ASTN1: variants seen among roughly 807,000 people sequenced by gnomAD.
The protein encoded by ASTN1 is astrotactin-1.
A neutral mutation model predicts 140.7 loss-of-function variants in ASTN1; 41 were observed. That is an observed-to-expected ratio of 0.29 (90% CI 0.23 to 0.38). The LOEUF is 0.38. ASTN1 is among the 10% of genes least tolerant of loss of function. The pLI is 1.00. For synonymous variants in ASTN1, 640 were observed against 652.2 expected, an observed-to-expected ratio of 0.98 and a Z score of 0.29; for missense variants, 1,479 against 1,678.8, an observed-to-expected ratio of 0.88 and a Z score of 2.08.
Position 177,160,683 on chromosome 1 carries a change from A to T in ASTN1, c.283+3711T>A, listed in dbSNP as rs540755739. On this transcript the variant is annotated intron_variant, in intron 1 of 22. Coordinates refer to ENST00000361833, the MANE Select transcript of ASTN1 (RefSeq NM_004319.3). ...CAAAGCAGGAATGTCTACTATTTTG[A>T]AAGCTGAAATATGAAATTTTAGTTC... 6.6e-5 allele frequency among the ~76,000 whole-genome samples: 10 copies of T among 152,374 alleles called. 1 individual carries two copies. The South Asian group carries it at 2.1e-3, about 32-fold the overall frequency.
At chr1:176,885,563 C>A (rs1669000818) in intron 18 of ASTN1, among the ~76,000 whole-genome samples, 1 of 152,132 alleles carries the variant, frequency 6.6e-6, no homozygotes, top group Non-Finnish European at 1.5e-5. Context: ...CCTTGGTTCC[C>A]AGATATCATG....
intron 2 of ASTN1, among the ~76,000 whole-genome samples, chr1:177,037,317 G>A (rs112424868): frequency 1.8e-4 from 27 of 152,264 alleles, no homozygotes; most frequent in African/African-American, 6.3e-4. Flanking sequence ...AAGGCGAGAT[G>A]CACATATCTC....
rs1676028369 is a variant in ASTN1 at position 177,024,845 on chromosome 1, G to T, written c.1121-113C>A. The T allele has an allele frequency of 4.2e-6, 5 of 1,178,330 alleles. No homozygotes were observed. The Admixed American group carries it at 8.5e-5, about 20-fold the overall frequency. The allele number at this position is 1,178,330 out of a possible 1,614,324, so 73.0% of individuals were successfully genotyped here. On this transcript the variant is annotated intron_variant, in intron 5 of 22. Transcript: ENST00000361833. ...ACAGGGGAGACAGTTGGCAAAACTA[G>T]CCCATGGAGGGAACTGTCTCTGGCT... is the stretch of plus-strand genomic sequence containing the variant.
At chr1:176,994,648 T>C (rs1674354702) in intron 8 of ASTN1, among the ~76,000 whole-genome samples, 1 of 152,142 alleles carries the variant, frequency 6.6e-6, no homozygotes, top group African/African-American at 2.4e-5. Flanking sequence ...CTGTCAAGGA[T>C]TTTGCCTTCT....
Position 177,100,096 on chromosome 1 carries a change from T to C in ASTN1, c.284-38831A>G, listed in dbSNP as rs1382541824. ...CTTATTCCTAGGCACCTAATTCCAATTCTAACACATGTTCCATCACACCAC... is the reference window on the plus strand; with the variant it reads ...CTTATTCCTAGGCACCTAATTCCAACTCTAACACATGTTCCATCACACCAC... On this transcript the variant is annotated intron_variant, in intron 1 of 22. Transcript: ENST00000361833. 3.9e-5 allele frequency among the ~76,000 whole-genome samples: 6 copies of C among 152,220 alleles called. No individual in the cohort carries two copies. The East Asian group carries it at 1.2e-3, about 30-fold the overall frequency.
At chr1:177,076,278 C>CAAAAAA (rs1171864161) in intron 1 of ASTN1, among the ~76,000 whole-genome samples, 1,350 of 77,612 alleles carry the variant, frequency 0.017, 25 homozygotes, top group Middle Eastern at 0.028. Context: ...GACTATGTCT[C>CAAAAAA]AAAAAAAAAA....
intron 1 of ASTN1, among the ~76,000 whole-genome samples, chr1:177,085,982 C>T (rs1342144070): frequency 1.3e-5 from 2 of 152,100 alleles, no homozygotes. Context: ...TTGTTGAACT[C>T]TTCATGGGGT....
At chr1:176,967,075 TA>T (rs1672923320) in intron 8 of ASTN1, among the ~76,000 whole-genome samples, 1 of 152,210 alleles carries the variant, frequency 6.6e-6, no homozygotes, top group Non-Finnish European at 1.5e-5. Flanking sequence ...CCATTGGAAC[TA>T]TATAAGGAAG....
chr1:176,866,179 C>T (rs1668122827), intron 22 of ASTN1, among the ~76,000 whole-genome samples: 2 of 152,266 alleles, frequency 1.3e-5, no homozygotes, highest in South Asian at 4.2e-4. Context: ...GATGACCTCC[C>T]TGCATTTCTA....
chr1:177,006,028 C>T (rs1674977959), intron 8 of ASTN1, among the ~76,000 whole-genome samples: 1 of 152,180 alleles, frequency 6.6e-6, no homozygotes, highest in Admixed American at 6.5e-5. Context: ...GTTCCTACAA[C>T]CTCTTATTAT....
chr1:177,131,466 C>A (rs1461326829), intron 1 of ASTN1, among the ~76,000 whole-genome samples: 1 of 152,080 alleles, frequency 6.6e-6, no homozygotes, highest in East Asian at 1.9e-4. Context: ...GTGTCACAAA[C>A]TGATAGGAAC....
intron 16 of ASTN1, among the ~76,000 whole-genome samples, chr1:176,918,801 C>T (rs1280886392): frequency 1.3e-5 from 2 of 152,180 alleles, no homozygotes; most frequent in Non-Finnish European, 2.9e-5. Flanking sequence ...TGGCTTCCTA[C>T]TCAGTAGCCT....
intron 1 of ASTN1, among the ~76,000 whole-genome samples, chr1:177,158,128 G>C (rs12088649): frequency 0.16 from 24,402 of 152,142 alleles, 4,007 homozygotes; most frequent in African/African-American, 0.42. Context: ...TACATTTTCA[G>C]TTGTACTATA....
rs1438078191 is a variant in ASTN1 at position 176,894,808 on chromosome 1, A to C, written c.2694T>G (p.Ser898=). 1 of 1,613,914 alleles carries C rather than the reference A, an allele frequency of 6.2e-7. No homozygotes were observed. Among genetic ancestry groups the C allele is most frequent in the Non-Finnish European group, 8.5e-7 (1 of 1,180,054 alleles). ...ISKGNSPSDE[S]EERERDPKVL... Reference sequence around the variant, plus strand: ...CCTTGGGGTCTCTTTCCCGCTCCTCAGACTCATCTGATGGGGAGTTGCCTG... The same window carrying C: ...CCTTGGGGTCTCTTTCCCGCTCCTCCGACTCATCTGATGGGGAGTTGCCTG... Residue 898 remains serine, a synonymous_variant, in exon 17 of 23, where the codon TCT becomes TCG. Coordinates refer to ENST00000361833, the MANE Select transcript of ASTN1 (RefSeq NM_004319.3).
At chr1:177,139,493 T>C (rs1682361781) in intron 1 of ASTN1, among the ~76,000 whole-genome samples, 1 of 152,150 alleles carries the variant, frequency 6.6e-6, no homozygotes, top group Non-Finnish European at 1.5e-5. Flanking sequence ...AACAGAAGCA[T>C]ATAATTTAAA....
intron 1 of ASTN1, among the ~76,000 whole-genome samples, chr1:177,105,112 C>A (rs1680490053): frequency 1.3e-5 from 2 of 152,110 alleles, no homozygotes; most frequent in South Asian, 2.1e-4. Context: ...GAATTCTAGG[C>A]CCATCATTTC....
intron 1 of ASTN1, among the ~76,000 whole-genome samples, chr1:177,135,340 A>G (rs1287586861): frequency 4.6e-5 from 7 of 151,416 alleles, no homozygotes; most frequent in Non-Finnish European, 1.0e-4. Context: ...AATCCAGCCA[A>G]TACCCCACCA....
chr1:176,983,755 T>TCAGTA (rs1462378302), intron 8 of ASTN1, among the ~76,000 whole-genome samples: 1 of 152,218 alleles, frequency 6.6e-6, no homozygotes, highest in Non-Finnish European at 1.5e-5. Context: ...TTTTTGCATC[T>TCAGTA]CAGTGCCCCT....
chr1:177,107,117 A>G (rs903185281), intron 1 of ASTN1, among the ~76,000 whole-genome samples: 2 of 152,174 alleles, frequency 1.3e-5, no homozygotes, highest in Admixed American at 1.3e-4. Flanking sequence ...TCCATGGACC[A>G]GCTGCATGGG....
Sources: allele counts gnomAD v4.1 joint callset (sites outside exome capture counted in the v4.1 genomes callset), GRCh38; gene constraint gnomAD v4.1.1; transcripts MANE v1.5; gene names NCBI Gene and HGNC (gene_info 2026-07-23, HGNC 2026-07-21).